Variants in ENO2 observed in about 807,000 individuals in gnomAD.
ENO2 encodes the protein enolase 2.
In ENO2, 19 loss-of-function variants were observed where a neutral mutation model predicts 48.7. The observed-to-expected ratio is 0.39, with a 90% CI of 0.27 to 0.57. The LOEUF is 0.57. Among genes scored for constraint, ENO2 ranks in the 20% least tolerant of loss-of-function variants. The probability of loss-of-function intolerance (pLI) is 0.58; values close to 1 mark genes in which losing one functional copy is unlikely to be tolerated. For synonymous variants in ENO2, 198 were observed against 213.4 expected (o/e 0.93, Z 0.63); for missense variants, 416 against 555.0 (o/e 0.75, Z 2.52).
chr12:6,915,563 A>C, intron 1 of ENO2: 258 of 376,144 alleles, frequency 6.9e-4, no homozygotes, highest in East Asian at 1.4e-3. Context: ...GTGTTCTCCC[A>C]TCTCATCATT....
rs782681517 is a variant in ENO2, at chr12:6,915,744, C to T, written c.-12-77C>T. 4.2e-5 allele frequency: 41 copies of T among 971,350 alleles called. 1 individual carries two copies. The African/African-American group carries it at 6.6e-4, about 16-fold the overall frequency. The allele number at this position is 971,350 out of a possible 1,614,324, so 60.2% of individuals were successfully genotyped here. A position where few individuals can be genotyped will look rare whatever the true frequency, so the allele number is the denominator to read the frequency against. On this transcript the variant is annotated intron_variant, in intron 1 of 11. Coordinates refer to ENST00000229277, the MANE Select transcript of ENO2 (RefSeq NM_001975.3). ...CCTCTTTCCCATCCCTCCCAGCCTC[C>T]CGCCCCGCCCATTGATCTCAGGCTC...
intron 6 of ENO2, 72 bp downstream of exon 6, chr12:6,917,786 A>G: frequency 6.3e-7 from 1 of 1,593,256 alleles, no homozygotes; most frequent in African/African-American, 1.3e-5. Context: ...ATGAGGAATG[A>G]TGGGAGGAAA....
intron 1 of ENO2, chr12:6,915,388 G>A: frequency 5.1e-6 from 1 of 197,884 alleles, no homozygotes; most frequent in South Asian, 9.3e-5. Flanking sequence ...GAGGTATGGG[G>A]GCTCTGGAAG....
In ENO2 at chr12:6,916,991, G is replaced by T; in HGVS notation, c.241-47G>T. ...TGAATGAGGGGACCCTCTGCCTTAG[G>T]GCTCAGCCTCCAGCCTGGCCCTGGG... On this transcript the variant is annotated intron_variant, in intron 4 of 11. Transcript: ENST00000229277. The surrounding 1 kb of genome is among the most constrained non-coding windows in gnomAD (Gnocchi z 4.5). The T allele has an allele frequency of 1.2e-6, 2 of 1,612,516 alleles. No individual in the cohort carries two copies. The highest frequency in any genetic ancestry group is 1.3e-5 in the African/African-American group (1 of 74,992).
chr12:6,919,650 T>C lies in ENO2; in HGVS notation c.752T>C (p.Phe251Ser). The C allele has an allele frequency of 6.2e-7, 1 of 1,614,084 alleles. No individual in the cohort carries two copies. The highest frequency in any genetic ancestry group is 1.3e-5 in the African/African-American group (1 of 75,020). ...VIGMDVAASEFYRDGKYDLDF... is the reference protein window; with the variant it reads ...VIGMDVAASESYRDGKYDLDF... ...GGCATGGATGTTGCTGCCTCAGAGT[T>C]TTATCGTGATGGCAAATATGACTTG... Residue 251 changes from phenylalanine (F) to serine (S), a missense_variant, in exon 8 of 12, where the codon TTT becomes TCT. Transcript: ENST00000229277.
rs782276674 is a variant in ENO2 at position 6,916,516 on chromosome 12, A to G, written c.181+4A>G. On this transcript the variant is annotated splice_donor_region_variant and intron_variant, in intron 3 of 11. Coordinates refer to ENST00000229277, the MANE Select transcript of ENO2 (RefSeq NM_001975.3). This position sits in a 1 kb window ranked among gnomAD's most constrained non-coding sequence, Gnocchi z 4.5. The stretch of plus-strand genomic sequence containing the variant: ...AAACAGCGTTACTTAGGCAAAGGTG[A>G]GGTCCCTTCTCTTTTCCAGACTCTC... 18 of 1,613,782 alleles carry G rather than the reference A, an allele frequency of 1.1e-5. No individual in the cohort carries two copies. The Admixed American group carries it at 1.2e-4, about 10-fold the overall frequency.
At position 6,917,599 on chromosome 12, in the gene ENO2, C is replaced by G; in HGVS notation, c.329C>G (p.Ala110Gly). The G allele has an allele frequency of 6.2e-7, 1 of 1,613,110 alleles. No individual in the cohort carries two copies. The highest frequency in any genetic ancestry group is 1.1e-5 in the South Asian group (1 of 90,962). The part of the protein sequence containing the change: ...TENKSKFGAN[A>G]ILGVSLAVCK... Reference sequence around the variant, plus strand: ...CTCCTAGCCAAGTTTGGGGCCAATGCCATCCTGGGTGTGTCTCTGGCCGTG... The same window carrying G: ...CTCCTAGCCAAGTTTGGGGCCAATGGCATCCTGGGTGTGTCTCTGGCCGTG... The change falls in exon 6 of 12, where the codon GCC becomes GGC. Residue 110 changes from alanine (A) to glycine (G), a missense_variant. Physicochemically the swap from Ala to Gly is moderately conservative, Grantham distance 60 (BLOSUM62 0). Coordinates refer to ENST00000229277, the MANE Select transcript of ENO2 (RefSeq NM_001975.3).
At chr12:6,919,815 C>G in intron 8 of ENO2, 52 bp downstream of exon 8, 2 of 1,594,350 alleles carry the variant, frequency 1.3e-6, no homozygotes, top group South Asian at 2.2e-5. Flanking sequence ...GGGACGTGTC[C>G]CAGCAACTCT....
Position 6,922,466 on chromosome 12 carries a change from C to T in ENO2, c.1235+64C>T. 1.3e-6 allele frequency: 2 copies of T among 1,587,928 alleles called. No individual in the cohort carries two copies. Among genetic ancestry groups the T allele is most frequent in the Non-Finnish European group, 1.7e-6 (2 of 1,156,884 alleles). On this transcript the variant is annotated intron_variant, in intron 11 of 11. Coordinates refer to ENST00000229277, the MANE Select transcript of ENO2 (RefSeq NM_001975.3). The surrounding 1 kb of genome is among the most constrained non-coding windows in gnomAD (Gnocchi z 5.3). ...CTAAAGGCCCCATTTGCCTGCCAGA[C>T]CATCTGTAGCACCAAGGGCCTGGAT... is the stretch of plus-strand genomic sequence containing the variant.
Position 6,917,115 on chromosome 12 carries a change from G to A in ENO2, c.310+8G>A, listed in dbSNP as rs782283343. ...ATGGGACTGAGAACAAATGTGAGCCGGGGCCGGGAGAAAGTGGGGAAGCGT... is the reference window on the plus strand; with the variant it reads ...ATGGGACTGAGAACAAATGTGAGCCAGGGCCGGGAGAAAGTGGGGAAGCGT... On this transcript the variant is annotated splice_region_variant and intron_variant, in intron 5 of 11. Transcript: ENST00000229277. 46 of 1,613,868 alleles carry A rather than the reference G, an allele frequency of 2.9e-5. No individual in the cohort carries two copies. Among genetic ancestry groups the A allele is most frequent in the African/African-American group, 5.3e-5 (4 of 74,930 alleles).
chr12:6,915,805 C>A lies in ENO2; in HGVS notation c.-12-16C>A, dbSNP rs782010462. 1 of 1,608,894 alleles carries A rather than the reference C, an allele frequency of 6.2e-7. No homozygotes were observed. Among genetic ancestry groups the A allele is most frequent in the South Asian group, 1.1e-5 (1 of 91,002 alleles). Reference sequence around the variant, plus strand: ...AGCCTCTTATCTTTCTCCTTCCTTCCCTTCCACCCGAGGAGATCCCAGCCA... The same window carrying A: ...AGCCTCTTATCTTTCTCCTTCCTTCACTTCCACCCGAGGAGATCCCAGCCA... On this transcript the variant is annotated splice_polypyrimidine_tract_variant and intron_variant, in intron 1 of 11. Transcript: ENST00000229277.
Position 6,916,686 on chromosome 12 carries a change from T to G in ENO2, c.197T>G (p.Val66Gly). Residue 66 changes from valine (V) to glycine (G), a missense_variant, in exon 4 of 12, where the codon GTG becomes GGG. Coordinates refer to ENST00000229277, the MANE Select transcript of ENO2 (RefSeq NM_001975.3). This position sits in a 1 kb window ranked among gnomAD's most constrained non-coding sequence, Gnocchi z 4.5. ...RYLGKGVLKA[V>G]DHINSTIAPA... ...CTTTCCCCAGGTGTCCTGAAGGCAG[T>G]GGACCACATCAACTCCACCATCGCG... 6.2e-7 allele frequency: 1 copy of G among 1,614,144 alleles called. No homozygotes were observed.
Position 6,918,145 on chromosome 12 carries a change from T to G in ENO2, c.650T>G (p.Ile217Ser). Residue 217 changes from isoleucine to serine, a missense_variant, in exon 7 of 12, where the codon ATC becomes AGC. Transcript: ENST00000229277. ...VGDEGGFAPNILENSEALELV... is the reference protein window; with the variant it reads ...VGDEGGFAPNSLENSEALELV... ...GATGAAGGTGGCTTTGCCCCCAATATCCTGGAGAACAGTGAAGGTGAGGCC... is the reference window on the plus strand; with the variant it reads ...GATGAAGGTGGCTTTGCCCCCAATAGCCTGGAGAACAGTGAAGGTGAGGCC... 1 of 1,614,032 alleles carries G rather than the reference T, an allele frequency of 6.2e-7. No homozygotes were observed. Among genetic ancestry groups the G allele is most frequent in the East Asian group, 2.2e-5 (1 of 44,868 alleles).
In ENO2 at chr12:6,922,212, T is replaced by C; in HGVS notation, c.1176+48T>C. 6.2e-7 allele frequency: 1 copy of C among 1,606,700 alleles called. No individual in the cohort carries two copies. Among genetic ancestry groups the C allele is most frequent in the South Asian group, 1.1e-5 (1 of 90,528 alleles). On this transcript the variant is annotated intron_variant, in intron 10 of 11. Coordinates refer to ENST00000229277, the MANE Select transcript of ENO2 (RefSeq NM_001975.3). This position sits in a 1 kb window ranked among gnomAD's most constrained non-coding sequence, Gnocchi z 5.3. ...TGAAGAGAACTCTCTGTGGGATTGGTATTTCTAGCTCACCCACCTGGTCTC... is the reference window on the plus strand; with the variant it reads ...TGAAGAGAACTCTCTGTGGGATTGGCATTTCTAGCTCACCCACCTGGTCTC...
At chr12:6,921,885 G>C in intron 9 of ENO2, 103 bp downstream of exon 9, 1 of 1,526,832 alleles carries the variant, frequency 6.5e-7, no homozygotes, top group Non-Finnish European at 8.9e-7. Flanking sequence ...AGAGAGCGGG[G>C]AACCTGGAAT....
At chr12:6,921,390 C>CAAA (rs59941048) in intron 8 of ENO2, 191 bp from the exon 9 acceptor site, 99 of 496,150 alleles carry the variant, frequency 2.0e-4, no homozygotes, top group East Asian at 7.9e-4. Flanking sequence ...GAGGCTCTGT[C>CAAA]AAAAAAAAAA....
Position 6,922,705 on chromosome 12 carries a change from C to G in ENO2, c.1236-26C>G. 1 of 1,614,024 alleles carries G rather than the reference C, an allele frequency of 6.2e-7. No individual in the cohort carries two copies. The highest frequency in any genetic ancestry group is 1.1e-5 in the South Asian group (1 of 91,084). ...CAGGATCCTCCTGCATCCCTGACCA[C>G]TTCCTTTGTGGTTCATCTCTCTCAG... On this transcript the variant is annotated intron_variant, in intron 11 of 11. Transcript: ENST00000229277. This position sits in a 1 kb window ranked among gnomAD's most constrained non-coding sequence, Gnocchi z 5.3.
chr12:6,921,508 G>T (rs1284222050), intron 8 of ENO2, 73 bp from the exon 9 acceptor site: 1 of 1,473,678 alleles, frequency 6.8e-7, no homozygotes, highest in Non-Finnish European at 9.5e-7. Flanking sequence ...GAATAAAGGG[G>T]CATGTTCCTG....
At chr12:6,919,861 G>T (rs782059339) in intron 8 of ENO2, 98 bp downstream of exon 8, 19 of 1,348,760 alleles carry the variant, frequency 1.4e-5, no homozygotes, top group Non-Finnish European at 1.9e-5. Context: ...CACCAGGTGG[G>T]GGTGTCCTAA....
Sources: allele counts gnomAD v4.1 joint callset, GRCh38; gene constraint gnomAD v4.1.1; non-coding constraint Gnocchi (gnomAD v3.1); transcripts MANE v1.5; gene names NCBI Gene and HGNC (gene_info 2026-07-23, HGNC 2026-07-21).